RALYL: variants seen among roughly 807,000 people sequenced by gnomAD.
RALYL encodes RNA-binding Raly-like protein.
Under a neutral mutation model 35.1 loss-of-function variants are expected in RALYL, and 29 were observed. The ratio of observed to expected loss-of-function variants is 0.83; its 90% CI spans 0.61 to 1.13. The LOEUF (loss-of-function observed/expected upper bound fraction) is 1.13, where lower values mean the gene tolerates loss of function less well. Ranked by LOEUF, RALYL falls within the 50% of genes most tolerant of loss-of-function variation. RALYL has a pLI of 0.00. For synonymous variants in RALYL, 120 were observed against 127.6 expected (o/e 0.94, Z 0.40); for missense variants, 359 against 360.4 (o/e 1.00, Z 0.03).
At chr8:84,341,264 T>C (rs1297559122) in intron 1 of RALYL, among the ~76,000 whole-genome samples, 3 of 151,484 alleles carry the variant, frequency 2.0e-5, no homozygotes, top group East Asian at 3.9e-4. Flanking sequence ...ATATTACCAT[T>C]TTATTTAAAT....
chr8:84,741,087 C>T (rs1289742460), intron 2 of RALYL, among the ~76,000 whole-genome samples: 1 of 151,938 alleles, frequency 6.6e-6, no homozygotes, highest in East Asian at 1.9e-4. Context: ...GCCCCAGTCC[C>T]CAAAATGGAG....
intron 1 of RALYL, among the ~76,000 whole-genome samples, chr8:84,375,221 A>G (rs1300431483): frequency 1.3e-5 from 2 of 151,856 alleles, no homozygotes; most frequent in Non-Finnish European, 2.9e-5. Flanking sequence ...TTTTCTGCTC[A>G]AGATATTCAG....
chr8:84,539,015 G>A (rs894552157), intron 2 of RALYL, among the ~76,000 whole-genome samples: 1 of 152,146 alleles, frequency 6.6e-6, no homozygotes, highest in African/African-American at 2.4e-5. Flanking sequence ...AATCTTTATA[G>A]GCTGCAATTC....
chr8:84,437,096 TCTTA>T (rs1230192084), intron 1 of RALYL, among the ~76,000 whole-genome samples: 1 of 152,114 alleles, frequency 6.6e-6, no homozygotes, highest in Non-Finnish European at 1.5e-5. Flanking sequence ...AATGTTTAGC[TCTTA>T]CTTGTAAATG....
At chr8:84,433,716 A>G (rs1407123580) in intron 1 of RALYL, among the ~76,000 whole-genome samples, 1 of 151,924 alleles carries the variant, frequency 6.6e-6, no homozygotes, top group African/African-American at 2.4e-5. Flanking sequence ...AGCCATGTGG[A>G]ACTGTAAGCC....
chr8:84,216,411 T>C (rs1385989816), intron 1 of RALYL, among the ~76,000 whole-genome samples: 1 of 152,140 alleles, frequency 6.6e-6, no homozygotes, highest in Non-Finnish European at 1.5e-5. Flanking sequence ...AGACAACCTT[T>C]AAAAATTTTT....
chr8:84,443,763 T>A (rs962717033), intron 1 of RALYL, among the ~76,000 whole-genome samples: 1 of 152,120 alleles, frequency 6.6e-6, no homozygotes, highest in Non-Finnish European at 1.5e-5. Context: ...ACGTACCCCC[T>A]GTGTTTAGCT....
chr8:84,597,350 A>G (rs1021989868), intron 2 of RALYL, among the ~76,000 whole-genome samples: 1 of 152,122 alleles, frequency 6.6e-6, no homozygotes, highest in Non-Finnish European at 1.5e-5. Flanking sequence ...ACTTACATAG[A>G]TTTTGTGATT....
chr8:84,604,606 A>ATGTAAAC, intron 2 of RALYL, among the ~76,000 whole-genome samples: 1 of 152,150 alleles, frequency 6.6e-6, no homozygotes, highest in South Asian at 2.1e-4. Flanking sequence ...ACATATCAGA[A>ATGTAAAC]ATACAGGAAA....
intron 2 of RALYL, among the ~76,000 whole-genome samples, chr8:84,603,314 GTTA>G (rs1370342432): frequency 6.6e-6 from 1 of 151,902 alleles, no homozygotes; most frequent in African/African-American, 2.4e-5. Flanking sequence ...TATTATTGTT[GTTA>G]TTATTGTTAC....
At chr8:84,479,468 G>A (rs573024650) in intron 1 of RALYL, among the ~76,000 whole-genome samples, 1 of 152,176 alleles carries the variant, frequency 6.6e-6, no homozygotes, top group Non-Finnish European at 1.5e-5. Context: ...ACGTGTTTTA[G>A]GATTAAAATA....
chr8:84,830,574 T>C (rs1220423777), intron 4 of RALYL, among the ~76,000 whole-genome samples: 2 of 152,136 alleles, frequency 1.3e-5, no homozygotes, highest in Non-Finnish European at 2.9e-5. Flanking sequence ...ACAATGATTG[T>C]ACAAGAAGGA....
At chr8:84,721,604 T>C (rs1384443093) in intron 2 of RALYL, among the ~76,000 whole-genome samples, 3 of 152,150 alleles carry the variant, frequency 2.0e-5, no homozygotes, top group Non-Finnish European at 2.9e-5. Context: ...AAATCAATTT[T>C]GCATCAGTTA....
chr8:84,543,770 C>T (rs2060175428), intron 2 of RALYL, among the ~76,000 whole-genome samples: 1 of 152,000 alleles, frequency 6.6e-6, no homozygotes, highest in Admixed American at 6.6e-5. Context: ...GTTTCTGAGT[C>T]ATAATTTCCT....
intron 1 of RALYL, among the ~76,000 whole-genome samples, chr8:84,217,764 C>G (rs767804600): frequency 6.6e-6 from 1 of 152,020 alleles, no homozygotes; most frequent in Non-Finnish European, 1.5e-5. Context: ...AAAATGGTTG[C>G]CTTTAATATG....
At chr8:84,419,423 C>T (rs991187893) in intron 1 of RALYL, among the ~76,000 whole-genome samples, 3 of 152,078 alleles carry the variant, frequency 2.0e-5, no homozygotes, top group Admixed American at 6.6e-5. Flanking sequence ...TTTTCATTGT[C>T]TTTATCCCAT....
chr8:84,309,595 T>C (rs1407907281), intron 1 of RALYL, among the ~76,000 whole-genome samples: 1 of 152,080 alleles, frequency 6.6e-6, no homozygotes, highest in African/African-American at 2.4e-5. Context: ...CTCAGAAATA[T>C]ATTCATAGAC....
At chr8:84,538,583 A>G (rs2059780031) in intron 2 of RALYL, among the ~76,000 whole-genome samples, 1 of 152,194 alleles carries the variant, frequency 6.6e-6, no homozygotes, top group African/African-American at 2.4e-5. Context: ...AAATGAAATA[A>G]CATAAAATAT....
Position 84,564,987 on chromosome 8 carries a change from C to T in RALYL, c.256+35410C>T, listed in dbSNP as rs533594148. Among the ~76,000 whole-genome samples, 9 of 151,712 alleles carry T rather than the reference C, an allele frequency of 5.9e-5. 2 individuals carry two copies. The highest frequency in any genetic ancestry group is 2.2e-4 in the African/African-American group (9 of 41,480). ...ATGTAAATCAAGGCTTTATATTTATCAAAGCTGATATTCATTTTGTTAATG... is the reference window on the plus strand; with the variant it reads ...ATGTAAATCAAGGCTTTATATTTATTAAAGCTGATATTCATTTTGTTAATG... On this transcript the variant is annotated intron_variant, in intron 2 of 8. Coordinates refer to ENST00000521268, the MANE Select transcript of RALYL (RefSeq NM_173848.7).
Sources: allele counts gnomAD v4.1 joint callset (sites outside exome capture counted in the v4.1 genomes callset), GRCh38; gene constraint gnomAD v4.1.1; transcripts MANE v1.5; gene names NCBI Gene and HGNC (gene_info 2026-07-23, HGNC 2026-07-21).